The following MMP26 variants were observed in gnomAD, a reference collection of about 807,000 sequenced individuals.
MMP26 encodes matrix metalloproteinase-26.
A neutral mutation model predicts 31.0 loss-of-function variants in MMP26; 33 were observed. The observed-to-expected ratio is 1.06, with a 90% confidence interval of 0.81 to 1.42. The LOEUF is 1.42. Ranked by LOEUF, MMP26 falls within the 40% of genes most tolerant of loss-of-function variation. The pLI is 0.00. For synonymous variants in MMP26, 122 were observed against 114.9 expected (o/e 1.06, Z -0.40); for missense variants, 347 against 316.1 (o/e 1.10, Z -0.74).
chr11:4,765,624 T>A (rs1848619086), intron 1 of MMP26, among the ~76,000 whole-genome samples: 1 of 152,216 alleles, frequency 6.6e-6, no homozygotes, highest in South Asian at 2.1e-4. Context: ...TACTGCAACC[T>A]GGCTTCTATT....
intron 1 of MMP26, among the ~76,000 whole-genome samples, chr11:4,743,053 G>A (rs1848335225): frequency 6.6e-6 from 1 of 152,032 alleles, no homozygotes; most frequent in South Asian, 2.1e-4. Flanking sequence ...GCTTTTCTAT[G>A]GTGGTGAAAA....
chr11:4,783,144 T>C (rs1168231217), intron 2 of MMP26, among the ~76,000 whole-genome samples: 1 of 152,168 alleles, frequency 6.6e-6, no homozygotes, highest in Non-Finnish European at 1.5e-5. Context: ...GATCCACCAG[T>C]AGCTTGCACC....
At chr11:4,895,155 T>A (rs1305261710) in intron 2 of MMP26, among the ~76,000 whole-genome samples, 1 of 152,212 alleles carries the variant, frequency 6.6e-6, no homozygotes, top group Non-Finnish European at 1.5e-5. Context: ...AAGCTTCAGA[T>A]TTTACTACTA....
At chr11:4,882,197 T>G (rs1248277778) in intron 2 of MMP26, 1 of 1,613,986 alleles carries the variant, frequency 6.2e-7, no homozygotes, top group African/African-American at 1.3e-5. Context: ...TAAAGCTTGC[T>G]TCATTCAAAT....
In MMP26 at chr11:4,915,114, A is replaced by G. The variant is rs147494827; in HGVS notation, c.-144-72954A>G. 1.3e-4 allele frequency: 208 copies of G among 1,614,032 alleles called. No individual in the cohort carries two copies. The highest frequency in any genetic ancestry group is 1.7e-4 in the Non-Finnish European group (204 of 1,180,038). ...AATTTCATCACTTCTTGGTGGAGAC[A>G]ATAAGAATGTGAGAGAACTGGGGAG... On this transcript the variant is annotated intron_variant, in intron 2 of 7. Transcript: ENST00000380390.
chr11:4,865,010 C>G (rs1325147440), intron 2 of MMP26, among the ~76,000 whole-genome samples: 1 of 152,090 alleles, frequency 6.6e-6, no homozygotes, highest in Non-Finnish European at 1.5e-5. Context: ...TATTTAACCA[C>G]TCATTCATTC....
At chr11:4,775,791 A>C (rs1028697298) in intron 2 of MMP26, among the ~76,000 whole-genome samples, 2 of 151,978 alleles carry the variant, frequency 1.3e-5, no homozygotes, top group African/African-American at 4.8e-5. Flanking sequence ...AGAGAGAAGG[A>C]GCCAGGCCTT....
intron 2 of MMP26, among the ~76,000 whole-genome samples, chr11:4,869,385 G>T (rs957450653): frequency 6.6e-6 from 1 of 151,804 alleles, no homozygotes; most frequent in Non-Finnish European, 1.5e-5. Context: ...AAATAAAACA[G>T]CCCCATCAAA....
intron 2 of MMP26, among the ~76,000 whole-genome samples, chr11:4,812,386 G>C (rs1216724504): frequency 6.6e-6 from 1 of 152,178 alleles, no homozygotes; most frequent in Non-Finnish European, 1.5e-5. Context: ...GATCCATTTA[G>C]AGGTTTATGT....
chr11:4,907,924 G>A (rs865781043), intron 2 of MMP26: 3 of 1,614,106 alleles, frequency 1.9e-6, no homozygotes, highest in Non-Finnish European at 2.5e-6. Flanking sequence ...AGGATACCAT[G>A]AAGCTGGCCT....
intron 1 of MMP26, among the ~76,000 whole-genome samples, chr11:4,717,341 C>T (rs1847948177): frequency 6.6e-6 from 1 of 152,088 alleles, no homozygotes; most frequent in African/African-American, 2.4e-5. Flanking sequence ...ACAAAGCTAA[C>T]ATCCAAGATA....
At chr11:4,901,785 A>C (rs1850806554) in intron 2 of MMP26, among the ~76,000 whole-genome samples, 3 of 152,164 alleles carry the variant, frequency 2.0e-5, no homozygotes, top group Admixed American at 1.3e-4. Flanking sequence ...GTGTTTTGAC[A>C]AGAATGCCAA....
chr11:4,754,489 C>T (rs116588269), intron 1 of MMP26, among the ~76,000 whole-genome samples: 2,446 of 151,878 alleles, frequency 0.016, 60 homozygotes, highest in African/African-American at 0.056. Context: ...ATATTGGATG[C>T]TATAAATCAA....
At chr11:4,819,068 G>T (rs1045474379) in intron 2 of MMP26, among the ~76,000 whole-genome samples, 3 of 152,088 alleles carry the variant, frequency 2.0e-5, no homozygotes, top group African/African-American at 7.2e-5. Context: ...TCATTTTTAT[G>T]AAAGTTATAG....
At chr11:4,716,325 A>G (rs1847929613) in intron 1 of MMP26, among the ~76,000 whole-genome samples, 1 of 152,218 alleles carries the variant, frequency 6.6e-6, no homozygotes, top group African/African-American at 2.4e-5. Context: ...GTTTAAAGTC[A>G]CTGAATTTTT....
At chr11:4,990,385 G>T (rs574667281) in intron 4 of MMP26, among the ~76,000 whole-genome samples, 1 of 152,112 alleles carries the variant, frequency 6.6e-6, no homozygotes, top group East Asian at 1.9e-4. Flanking sequence ...AGAATAATTT[G>T]GGATATTGTT....
chr11:4,946,162 A>C, intron 2 of MMP26: 1 of 1,613,586 alleles, frequency 6.2e-7, no homozygotes, highest in Non-Finnish European at 8.5e-7. Flanking sequence ...ATGACTGTTA[A>C]ATCTTCCGTT....
At chr11:4,943,754 A>T (rs1271267390) in intron 2 of MMP26, 5 of 371,420 alleles carry the variant, frequency 1.3e-5, no homozygotes. Context: ...TACATTCTTC[A>T]TTTCAGAAAT....
chr11:4,915,719 A>G, intron 2 of MMP26: 2 of 1,237,548 alleles, frequency 1.6e-6, no homozygotes, highest in Non-Finnish European at 2.3e-6. Flanking sequence ...AAGTAAATTG[A>G]GGCAGTACTG....
Sources: gnomAD v4.1 joint callset for allele counts (sites outside exome capture counted in the v4.1 genomes callset) on GRCh38, gnomAD v4.1.1 for gene constraint, MANE v1.5 for transcripts, NCBI Gene and HGNC (gene_info 2026-07-23, HGNC 2026-07-21) for gene names.